Variants in CNTN4 observed in about 807,000 individuals in gnomAD.
The protein encoded by CNTN4 is contactin-4.
Under a neutral mutation model 122.5 loss-of-function variants are expected in CNTN4, and 77 were observed. The observed-to-expected ratio is 0.63, with a 90% CI of 0.52 to 0.76. The LOEUF is 0.76. Among genes scored for constraint, CNTN4 ranks in the 30% least tolerant of loss-of-function variants. The pLI, the probability that CNTN4 is intolerant of heterozygous loss-of-function variation, is 0.00. For synonymous variants in CNTN4, 512 were observed against 447.0 expected (o/e 1.15, Z -1.83); for missense variants, 1,256 against 1,259.1 (o/e 1.00, Z 0.04).
rs181601270 is a variant in CNTN4 at position 2,259,814 on chromosome 3, G to A, written c.-144-79364G>A. ...GGACGCAGCCAAATGATATCAGCTCGTGAGTGAGCATCAGACCTGGGGTTC... is the reference window on the plus strand; with the variant it reads ...GGACGCAGCCAAATGATATCAGCTCATGAGTGAGCATCAGACCTGGGGTTC... On this transcript the variant is annotated intron_variant, in intron 2 of 24. Coordinates refer to ENST00000418658, the MANE Select transcript of CNTN4 (RefSeq NM_175607.3). 3.1e-3 allele frequency among the ~76,000 whole-genome samples: 478 copies of A among 152,254 alleles called. 2 individuals carry two copies. Among genetic ancestry groups the A allele is most frequent in the Admixed American group, 6.3e-3 (96 of 15,290 alleles).
intron 3 of CNTN4, among the ~76,000 whole-genome samples, chr3:2,545,482 G>C (rs2078205893): frequency 6.6e-6 from 1 of 152,004 alleles, no homozygotes; most frequent in East Asian, 1.9e-4. Context: ...CACTATTATT[G>C]TGTGTAAATA....
chr3:2,335,062 C>A (rs2043888227), intron 2 of CNTN4, among the ~76,000 whole-genome samples: 1 of 152,138 alleles, frequency 6.6e-6, no homozygotes. Context: ...TCATGGATTT[C>A]TGGTTCCTTT....
At chr3:2,880,225 GA>G (rs1176427437) in intron 8 of CNTN4, among the ~76,000 whole-genome samples, 1 of 152,116 alleles carries the variant, frequency 6.6e-6, no homozygotes, top group Non-Finnish European at 1.5e-5. Context: ...GAGAGGCTGG[GA>G]AAAAACCTGA....
rs1217480641 is a variant in CNTN4, at chr3:3,027,522, A to G, written c.1662+1245A>G. 4.6e-5 allele frequency among the ~76,000 whole-genome samples: 7 copies of G among 152,328 alleles called. No homozygotes were observed. In the East Asian group the frequency reaches 1.3e-3, roughly 29 times the overall value. ...ATATTGAATATCCTGAGGTCTAGGA[A>G]AGTACATAGCCCAATGTCTACCACA... On this transcript the variant is annotated intron_variant, in intron 15 of 24. Transcript: ENST00000418658.
At chr3:2,864,218 A>C (rs186907792) in intron 7 of CNTN4, among the ~76,000 whole-genome samples, 95 of 152,316 alleles carry the variant, frequency 6.2e-4, no homozygotes, top group Admixed American at 5.2e-3. Context: ...TTATGGACCA[A>C]GAAGCTGAAC....
Position 2,566,254 on chromosome 3 carries a change from A to G in CNTN4, c.-88-5162A>G, listed in dbSNP as rs2149459017. Among the ~76,000 whole-genome samples, 3 of 152,350 alleles carry G rather than the reference A, an allele frequency of 2.0e-5. No homozygotes were observed. In the South Asian group the frequency reaches 6.2e-4, roughly 32 times the overall value. ...GAAGAGTTCATTACCTTTAGAAACT[A>G]GTTCAGTATTTGAAGTATGAAGACA... On this transcript the variant is annotated intron_variant, in intron 3 of 24. Transcript: ENST00000418658.
intron 2 of CNTN4, among the ~76,000 whole-genome samples, chr3:2,326,694 T>C (rs536646252): frequency 2.6e-5 from 4 of 152,270 alleles, no homozygotes; most frequent in African/African-American, 7.2e-5. Context: ...AATAGGGAAA[T>C]AGGTTTTACT....
At chr3:2,707,873 A>G (rs919671088) in intron 4 of CNTN4, among the ~76,000 whole-genome samples, 4 of 152,202 alleles carry the variant, frequency 2.6e-5, no homozygotes, top group African/African-American at 9.7e-5. Flanking sequence ...GTGCTGAAGC[A>G]TTTGCGAGTA....
chr3:2,380,747 A>G (rs1266434979), intron 3 of CNTN4, among the ~76,000 whole-genome samples: 1 of 151,546 alleles, frequency 6.6e-6, no homozygotes, highest in Admixed American at 6.6e-5. Flanking sequence ...AAGAACGAAT[A>G]ACTTATTCTC....
chr3:3,040,562 C>G (rs755206203), intron 20 of CNTN4, among the ~76,000 whole-genome samples: 2 of 152,190 alleles, frequency 1.3e-5, no homozygotes, highest in African/African-American at 2.4e-5. Flanking sequence ...GTTATCATTA[C>G]TTTCAAAAGA....
intron 2 of CNTN4, among the ~76,000 whole-genome samples, chr3:2,237,085 T>A (rs947560234): frequency 6.6e-6 from 1 of 152,130 alleles, no homozygotes; most frequent in Non-Finnish European, 1.5e-5. Flanking sequence ...AATTTTGGCC[T>A]TTTCTCTATG....
At chr3:2,279,786 T>A (rs562937278) in intron 2 of CNTN4, among the ~76,000 whole-genome samples, 1 of 151,714 alleles carries the variant, frequency 6.6e-6, no homozygotes, top group African/African-American at 2.4e-5. Flanking sequence ...TATATCTATA[T>A]ATATATTCTG....
chr3:2,617,622 A>C (rs950467366), intron 4 of CNTN4, among the ~76,000 whole-genome samples: 4 of 151,794 alleles, frequency 2.6e-5, no homozygotes, highest in African/African-American at 9.7e-5. Context: ...GGAGTTTCAC[A>C]ATGTTGGCCA....
In CNTN4 at chr3:2,156,658, A is replaced by G. The variant is rs531874176; in HGVS notation, c.-145+56019A>G. Among the ~76,000 whole-genome samples the G allele has an allele frequency of 9.2e-5, 14 of 152,284 alleles. 1 individual carries two copies. The highest frequency in any genetic ancestry group is 6.2e-4 in the South Asian group (3 of 4,824). On this transcript the variant is annotated intron_variant, in intron 2 of 24. Coordinates refer to ENST00000418658, the MANE Select transcript of CNTN4 (RefSeq NM_175607.3). ...CCCTCGGTAAATGTTTGTTTTGGAGATGAGGAAATGGAGGCAGAGAGAAGG... is the reference window on the plus strand; with the variant it reads ...CCCTCGGTAAATGTTTGTTTTGGAGGTGAGGAAATGGAGGCAGAGAGAAGG...
intron 3 of CNTN4, among the ~76,000 whole-genome samples, chr3:2,502,878 G>A (rs2076634190): frequency 6.6e-6 from 1 of 151,912 alleles, no homozygotes; most frequent in African/African-American, 2.4e-5. Flanking sequence ...GATTATTCCT[G>A]TTATCACTGA....
At chr3:2,858,006 C>G (rs1033691050) in intron 7 of CNTN4, among the ~76,000 whole-genome samples, 1 of 152,162 alleles carries the variant, frequency 6.6e-6, no homozygotes, top group African/African-American at 2.4e-5. Context: ...GGGCTACAAC[C>G]TAAATTGCCT....
At position 2,895,805 on chromosome 3, in the gene CNTN4, C is replaced by T. The variant is rs367739016; in HGVS notation, c.941-4880C>T. On this transcript the variant is annotated intron_variant, in intron 10 of 24. Transcript: ENST00000418658. ...ATCCCAGCACTTTGGGAGGCCGAGG[C>T]GGGCGGATCACAAGGTCAGGAGATC... Among the ~76,000 whole-genome samples, 56 of 152,256 alleles carry T rather than the reference C, an allele frequency of 3.7e-4. No homozygotes were observed. In the South Asian group the frequency reaches 6.6e-3, roughly 18 times the overall value.
intron 4 of CNTN4, among the ~76,000 whole-genome samples, chr3:2,589,916 A>G (rs2080385439): frequency 1.3e-5 from 2 of 152,246 alleles, no homozygotes; most frequent in South Asian, 4.1e-4. Context: ...GGCTTGTTGC[A>G]GAAGTCACAG....
intron 3 of CNTN4, among the ~76,000 whole-genome samples, chr3:2,569,035 G>C (rs898295600): frequency 1.3e-5 from 2 of 152,142 alleles, no homozygotes; most frequent in East Asian, 3.9e-4. Flanking sequence ...TCATTGATCA[G>C]CACGTCCTGT....
Sources: gnomAD v4.1 joint callset for allele counts (sites outside exome capture counted in the v4.1 genomes callset) on GRCh38, gnomAD v4.1.1 for gene constraint, MANE v1.5 for transcripts, NCBI Gene and HGNC (gene_info 2026-07-23, HGNC 2026-07-21) for gene names.